The following BAZ2B variants were observed in gnomAD, a reference collection of about 807,000 sequenced individuals.
BAZ2B encodes the protein bromodomain adjacent to zinc finger domain protein 2B.
A neutral mutation model predicts 246.0 loss-of-function variants in BAZ2B; 91 were observed. The ratio of observed to expected loss-of-function variants is 0.37; its 90% CI spans 0.31 to 0.44. BAZ2B has a LOEUF of 0.44. Among genes scored for constraint, BAZ2B ranks in the 20% least tolerant of loss-of-function variants. The pLI is 1.00. For synonymous variants in BAZ2B, 855 were observed against 860.0 expected, an observed-to-expected ratio of 0.99 and a Z score of 0.10; for missense variants, 2,332 against 2,533.7, an observed-to-expected ratio of 0.92 and a Z score of 1.71.
intron 27 of BAZ2B, 133 bp from the exon 28 acceptor site, chr2:159,350,490 A>G (rs2058434432): frequency 1.3e-6 from 1 of 769,574 alleles, no homozygotes; most frequent in Admixed American, 3.7e-5. Flanking sequence ...TACTCCCTAT[A>G]TTTTCCTTTT....
At chr2:159,473,212 G>A (rs1416319765) in intron 3 of BAZ2B, among the ~76,000 whole-genome samples, 2 of 152,160 alleles carry the variant, frequency 1.3e-5, no homozygotes, top group Admixed American at 6.5e-5. Flanking sequence ...GCTTCATTTG[G>A]TTGGTAGACT....
At chr2:159,448,800 G>C (rs565556880) in intron 4 of BAZ2B, among the ~76,000 whole-genome samples, 49 of 152,260 alleles carry the variant, frequency 3.2e-4, no homozygotes, top group South Asian at 1.5e-3. Flanking sequence ...CCTATGTTAA[G>C]ACTTTCCTCA....
In BAZ2B at chr2:159,324,815, C is replaced by A; in HGVS notation, c.6349G>T (p.Gly2117Ter). 1 of 1,497,040 alleles carries A rather than the reference C, an allele frequency of 6.7e-7. No individual in the cohort carries two copies. Among genetic ancestry groups the A allele is most frequent in the South Asian group, 1.4e-5 (1 of 72,112 alleles). 92.7% of individuals were successfully genotyped at this position (1,497,040 alleles called of 1,614,324 possible). A position where few individuals can be genotyped will look rare whatever the true frequency, so the allele number is the denominator to read the frequency against. Residue 2117 changes from glycine (G) to a stop codon, truncating the protein, a stop_gained, in exon 36 of 37, where the codon GGA becomes TGA. Coordinates refer to ENST00000392783, the MANE Select transcript of BAZ2B (RefSeq NM_013450.4). LOFTEE classifies it high-confidence loss of function. ...FSTIREKLSS[G>*]QYPNLETFAL... ...GAACTGAAATGATTTACTTACTGTC[C>A]ACTACTTAGTTTCTCTCTAATTGTG...
upstream of BAZ2B, among the ~76,000 whole-genome samples, chr2:159,618,662 G>A (rs13395645): frequency 0.039 from 5,781 of 149,880 alleles, 341 homozygotes; most frequent in African/African-American, 0.13. Flanking sequence ...ATTTCTATGC[G>A]TAAAGTATTG....
intron 1 of BAZ2B, among the ~76,000 whole-genome samples, chr2:159,580,208 A>G (rs2151627006): frequency 6.6e-6 from 1 of 152,350 alleles, no homozygotes; most frequent in South Asian, 2.1e-4. Flanking sequence ...GCTGATAAGC[A>G]ACTTCAGTAA....
chr2:159,603,428 C>G (rs1470897647), intron 1 of BAZ2B, among the ~76,000 whole-genome samples: 1 of 152,128 alleles, frequency 6.6e-6, no homozygotes, highest in African/African-American at 2.4e-5. Context: ...TTTCCTCAAG[C>G]TCCAATTTCA....
chr2:159,700,856 T>C, the BAZ2B span, among the ~76,000 whole-genome samples: 1 of 152,198 alleles, frequency 6.6e-6, no homozygotes, highest in African/African-American at 2.4e-5. Flanking sequence ...TTAAGTTCCA[T>C]TTAGCAGAAT....
At chr2:159,648,542 A>G in the BAZ2B span, among the ~76,000 whole-genome samples, 1 of 152,134 alleles carries the variant, frequency 6.6e-6, no homozygotes, top group Non-Finnish European at 1.5e-5. Flanking sequence ...ATTACTTTGC[A>G]TTTTTGGAAG....
At chr2:159,351,286 A>G (rs572273092) in intron 27 of BAZ2B, among the ~76,000 whole-genome samples, 1 of 152,144 alleles carries the variant, frequency 6.6e-6, no homozygotes, top group Non-Finnish European at 1.5e-5. Flanking sequence ...AAACACCTTG[A>G]CATGTCGATA....
chr2:159,650,760 T>C, the BAZ2B span, among the ~76,000 whole-genome samples: 1 of 152,186 alleles, frequency 6.6e-6, no homozygotes, highest in Non-Finnish European at 1.5e-5. Flanking sequence ...CCTCAAGTCA[T>C]GAGTCTTTGA....
intron 13 of BAZ2B, among the ~76,000 whole-genome samples, chr2:159,414,351 T>C (rs967583689): frequency 6.6e-6 from 1 of 152,138 alleles, no homozygotes; most frequent in African/African-American, 2.4e-5. Context: ...TAAGATCTAG[T>C]ATTTGATAGC....
At chr2:159,416,890 T>C (rs954227800) in intron 13 of BAZ2B, among the ~76,000 whole-genome samples, 3 of 152,198 alleles carry the variant, frequency 2.0e-5, no homozygotes, top group Admixed American at 6.5e-5. Flanking sequence ...CTTTAATTCA[T>C]TGAAGAGCCA....
intron 31 of BAZ2B, among the ~76,000 whole-genome samples, chr2:159,344,286 C>T (rs1045152580): frequency 8.6e-5 from 13 of 151,982 alleles, no homozygotes; most frequent in African/African-American, 3.1e-4. Context: ...GCCTGTAATC[C>T]CAGCACTTTG....
At chr2:159,560,763 A>T (rs1378541945) in intron 1 of BAZ2B, among the ~76,000 whole-genome samples, 2 of 151,952 alleles carry the variant, frequency 1.3e-5, no homozygotes, top group Non-Finnish European at 2.9e-5. Flanking sequence ...TCCTGACCTC[A>T]TGATCCACCC....
chr2:159,674,448 C>A, the BAZ2B span, among the ~76,000 whole-genome samples: 1 of 151,574 alleles, frequency 6.6e-6, no homozygotes, highest in South Asian at 2.1e-4. Flanking sequence ...GGCGCGGTGG[C>A]TCATGCCTGC....
At chr2:159,551,466 C>CAAAAA (rs57418948) in intron 2 of BAZ2B, among the ~76,000 whole-genome samples, 4 of 71,668 alleles carry the variant, frequency 5.6e-5, no homozygotes, top group African/African-American at 1.0e-4. Context: ...GACTCAGACT[C>CAAAAA]AAAAAAAAAA....
the BAZ2B span, chr2:159,712,076 A>C: frequency 7.2e-6 from 1 of 138,590 alleles, no homozygotes; most frequent in Non-Finnish European, 1.6e-5. Flanking sequence ...TGCGCCACTT[A>C]CCAAGAGCCA....
downstream of BAZ2B, among the ~76,000 whole-genome samples, chr2:159,315,881 A>C (rs1236330264): frequency 6.6e-6 from 1 of 152,204 alleles, no homozygotes; most frequent in East Asian, 1.9e-4. Flanking sequence ...AGGAATTTGT[A>C]AGTAAAATGT....
At chr2:159,572,290 AC>A (rs1684220887) in intron 1 of BAZ2B, among the ~76,000 whole-genome samples, 1 of 152,182 alleles carries the variant, frequency 6.6e-6, no homozygotes, top group Non-Finnish European at 1.5e-5. Flanking sequence ...AATAACTGAA[AC>A]TGAAGGGGGT....
Sources: gnomAD v4.1 joint callset for allele counts (sites outside exome capture counted in the v4.1 genomes callset) on GRCh38, gnomAD v4.1.1 for gene constraint, MANE v1.5 for transcripts, NCBI Gene and HGNC (gene_info 2026-07-23, HGNC 2026-07-21) for gene names.